UNC5C: variants seen among roughly 807,000 people sequenced by gnomAD.
UNC5C encodes the protein unc-5 netrin receptor C, also known as netrin receptor UNC5C.
UNC5C carries 47 observed loss-of-function variants against 99.8 expected under a neutral mutation model. The ratio of observed to expected loss-of-function variants is 0.47; its 90% CI spans 0.37 to 0.60. The LOEUF (loss-of-function observed/expected upper bound fraction) is 0.60, where lower values mean the gene tolerates loss of function less well. UNC5C is among the 20% of genes least tolerant of loss of function. UNC5C has a pLI of 0.00. For synonymous variants in UNC5C, 487 were observed against 452.2 expected (o/e 1.08, Z -0.98); for missense variants, 1,062 against 1,165.9 (o/e 0.91, Z 1.30).
chr4:95,179,599 C>T (rs895084318), intron 14 of UNC5C, among the ~76,000 whole-genome samples: 2 of 151,824 alleles, frequency 1.3e-5, no homozygotes, highest in African/African-American at 2.4e-5. Context: ...ATACAAAAAT[C>T]AGCTGGGTGT....
chr4:95,533,913 A>G (rs140674324), intron 1 of UNC5C, among the ~76,000 whole-genome samples: 1 of 152,168 alleles, frequency 6.6e-6, no homozygotes, highest in Non-Finnish European at 1.5e-5. Context: ...CTACAAATTC[A>G]ATGTTCTAGG....
intron 4 of UNC5C, 119 bp downstream of exon 4, chr4:95,278,140 T>A (rs187096429): frequency 1.1e-5 from 9 of 815,134 alleles, no homozygotes; most frequent in Non-Finnish European, 1.8e-5. Flanking sequence ...CAGTTAGGAC[T>A]CTATTACCAA....
chr4:95,492,719 T>C (rs1721531410), intron 1 of UNC5C, among the ~76,000 whole-genome samples: 1 of 151,564 alleles, frequency 6.6e-6, no homozygotes, highest in Admixed American at 6.6e-5. Context: ...TGTGATGAAC[T>C]TTACTCTTAC....
chr4:95,425,806 T>A (rs538103670), intron 1 of UNC5C, among the ~76,000 whole-genome samples: 19 of 152,378 alleles, frequency 1.2e-4, no homozygotes, highest in African/African-American at 4.3e-4. Context: ...AGAGATCTTT[T>A]AGTCAACATT....
intron 2 of UNC5C, among the ~76,000 whole-genome samples, chr4:95,317,600 G>C (rs772172355): frequency 5.3e-5 from 8 of 152,168 alleles, no homozygotes; most frequent in Non-Finnish European, 1.0e-4. Context: ...CAGTGCAGGG[G>C]CTGGCAAGGA....
At position 95,267,949 on chromosome 4, in the gene UNC5C, A is replaced by ATTTTTTTTTTTTTTTTTTTTTTTTTTTTT. The variant is rs869293955; in HGVS notation, c.594+10309_594+10310insAAAAAAAAAAAAAAAAAAAAAAAAAAAAA. On this transcript the variant is annotated intron_variant, in intron 4 of 15. Coordinates refer to ENST00000453304, the MANE Select transcript of UNC5C (RefSeq NM_003728.4). ...ATGATCCTGTAGGCTGAATTTTGTGATTTTTTTTTTTTTTTTTTGAGACGG... is the reference window on the plus strand; with the variant it reads ...ATGATCCTGTAGGCTGAATTTTGTGATTTTTTTTTTTTTTTTTTTTTTTTTTTTTTTTTTTTTTTTTTTTTTTGAGACGG... 1.5e-4 allele frequency among the ~76,000 whole-genome samples: 18 copies of ATTTTTTTTTTTTTTTTTTTTTTTTTTTTT among 117,572 alleles called. 1 individual carries two copies. The highest frequency in any genetic ancestry group is 5.1e-4 in the African/African-American group (15 of 29,168). The allele number at this position is 117,572 out of a possible 152,430, so 77.1% of individuals were successfully genotyped here. A position where few individuals can be genotyped will look rare whatever the true frequency, so the allele number is the denominator to read the frequency against.
intron 1 of UNC5C, among the ~76,000 whole-genome samples, chr4:95,478,783 T>C (rs1350522747): frequency 6.6e-6 from 1 of 152,058 alleles, no homozygotes; most frequent in South Asian, 2.1e-4. Flanking sequence ...TATGAAAATT[T>C]GATCCCCAGT....
chr4:95,306,368 A>G (rs1466244252), intron 2 of UNC5C, among the ~76,000 whole-genome samples: 1 of 151,792 alleles, frequency 6.6e-6, no homozygotes, highest in East Asian at 1.9e-4. Context: ...ATGCCTGGCT[A>G]ATTTTTTGTA....
At chr4:95,424,744 G>A (rs532447028) in intron 1 of UNC5C, among the ~76,000 whole-genome samples, 2 of 151,502 alleles carry the variant, frequency 1.3e-5, no homozygotes, top group African/African-American at 2.4e-5. Context: ...AGGATGGTCT[G>A]GATCTCCTGA....
At chr4:95,295,982 G>A (rs1327967269) in intron 3 of UNC5C, among the ~76,000 whole-genome samples, 1 of 152,120 alleles carries the variant, frequency 6.6e-6, no homozygotes, top group Non-Finnish European at 1.5e-5. Context: ...GCTACATGGG[G>A]GGGAGGCTGA....
chr4:95,454,143 G>C (rs936684904), intron 1 of UNC5C, among the ~76,000 whole-genome samples: 1 of 152,000 alleles, frequency 6.6e-6, no homozygotes, highest in African/African-American at 2.4e-5. Flanking sequence ...CTTTAAAATG[G>C]TTATTATGTG....
At chr4:95,223,832 A>G (rs1738567753) in intron 7 of UNC5C, among the ~76,000 whole-genome samples, 1 of 152,224 alleles carries the variant, frequency 6.6e-6, no homozygotes, top group Non-Finnish European at 1.5e-5. Flanking sequence ...GTTCACTGCT[A>G]GTAGAGGAGA....
intron 3 of UNC5C, among the ~76,000 whole-genome samples, chr4:95,281,514 A>G (rs1295028116): frequency 6.6e-6 from 1 of 152,200 alleles, no homozygotes; most frequent in African/African-American, 2.4e-5. Context: ...ACTCATTTGA[A>G]TAAACCATGA....
intron 7 of UNC5C, among the ~76,000 whole-genome samples, chr4:95,241,635 A>G (rs1422003032): frequency 6.6e-6 from 1 of 152,194 alleles, no homozygotes; most frequent in Non-Finnish European, 1.5e-5. Context: ...CTGAATAGGT[A>G]TGATTTCAGA....
At chr4:95,508,230 C>A (rs1233267672) in intron 1 of UNC5C, among the ~76,000 whole-genome samples, 1 of 151,974 alleles carries the variant, frequency 6.6e-6, no homozygotes, top group Non-Finnish European at 1.5e-5. Flanking sequence ...AGGCTATAGA[C>A]CCTGGGAAAG....
chr4:95,217,770 A>T (rs1738302691), intron 9 of UNC5C, among the ~76,000 whole-genome samples: 2 of 152,202 alleles, frequency 1.3e-5, no homozygotes, highest in Admixed American at 1.3e-4. Context: ...TAATGTTTAA[A>T]CAATGGAAGA....
chr4:95,178,154 C>T (rs965698174), intron 14 of UNC5C, among the ~76,000 whole-genome samples: 6 of 152,226 alleles, frequency 3.9e-5, no homozygotes, highest in Non-Finnish European at 8.8e-5. Context: ...GTTGCCCCGT[C>T]CTTACCGTGA....
At chr4:95,379,734 A>C (rs1745006496) in intron 1 of UNC5C, among the ~76,000 whole-genome samples, 1 of 152,120 alleles carries the variant, frequency 6.6e-6, no homozygotes, top group African/African-American at 2.4e-5. Flanking sequence ...TTAGTTTCAC[A>C]TGGTGGTAGA....
In UNC5C at chr4:95,508,703, A is replaced by G. The variant is rs1157384889; in HGVS notation, c.124+40031T>C. 2.0e-5 allele frequency among the ~76,000 whole-genome samples: 3 copies of G among 151,972 alleles called. No homozygotes were observed. In the East Asian group the frequency reaches 5.8e-4, roughly 29 times the overall value. Reference sequence around the variant, plus strand: ...GGAAAAAACCAGATCAGCATTTGGTATTGGTCAAAGTTTCTAGAAAAAGGA... The same window carrying G: ...GGAAAAAACCAGATCAGCATTTGGTGTTGGTCAAAGTTTCTAGAAAAAGGA... On this transcript the variant is annotated intron_variant, in intron 1 of 15. Coordinates refer to ENST00000453304, the MANE Select transcript of UNC5C (RefSeq NM_003728.4).
Sources: allele counts gnomAD v4.1 joint callset (sites outside exome capture counted in the v4.1 genomes callset), GRCh38; gene constraint gnomAD v4.1.1; transcripts MANE v1.5; gene names NCBI Gene and HGNC (gene_info 2026-07-23, HGNC 2026-07-21).